FRK: variants seen among roughly 807,000 people sequenced by gnomAD.
FRK encodes the protein fyn related Src family tyrosine kinase, also known as tyrosine-protein kinase FRK.
Under a neutral mutation model 56.4 loss-of-function variants are expected in FRK, and 51 were observed. The observed-to-expected ratio is 0.90, with a 90% confidence interval of 0.72 to 1.14. The LOEUF is 1.14. FRK is among the 50% of genes most tolerant of loss of function. FRK has a pLI of 0.00. For missense variants in FRK, 570 were observed against 601.4 expected (o/e 0.95, Z 0.55); for synonymous variants, 245 against 217.9 (o/e 1.12, Z -1.10).
chr6:116,042,120 C>T (rs1462103212), intron 1 of FRK, among the ~76,000 whole-genome samples: 3 of 152,200 alleles, frequency 2.0e-5, no homozygotes, highest in African/African-American at 7.2e-5. Context: ...ACAGTGTAAA[C>T]AAAGCCACCA....
intron 1 of FRK, among the ~76,000 whole-genome samples, chr6:116,025,330 A>G (rs1344762659): frequency 6.6e-6 from 1 of 152,208 alleles, no homozygotes; most frequent in Non-Finnish European, 1.5e-5. Flanking sequence ...TATGCTCCCA[A>G]TTAGCTGAGG....
At chr6:115,971,836 C>T (rs563614024) in intron 2 of FRK, among the ~76,000 whole-genome samples, 2 of 152,320 alleles carry the variant, frequency 1.3e-5, no homozygotes, top group African/African-American at 4.8e-5. Context: ...GTGCCTTCCT[C>T]TCTGTTTCTC....
chr6:116,099,932 C>T, the FRK span, among the ~76,000 whole-genome samples: 1 of 152,310 alleles, frequency 6.6e-6, no homozygotes, highest in Admixed American at 6.5e-5. Flanking sequence ...AAGTGCTAGT[C>T]CTTCACATCC....
At chr6:116,098,873 AAG>A in the FRK span, among the ~76,000 whole-genome samples, 1 of 152,174 alleles carries the variant, frequency 6.6e-6, no homozygotes, top group Admixed American at 6.5e-5. Context: ...ATATTTCTGG[AAG>A]AGTCAGACTG....
chr6:116,026,912 AG>A (rs1776115710), intron 1 of FRK, among the ~76,000 whole-genome samples: 1 of 152,288 alleles, frequency 6.6e-6, no homozygotes, highest in South Asian at 2.1e-4. Flanking sequence ...GCATGGAATA[AG>A]GTATAAAGTA....
intron 1 of FRK, among the ~76,000 whole-genome samples, chr6:116,048,970 C>T (rs1348575124): frequency 7.4e-6 from 1 of 134,906 alleles, no homozygotes; most frequent in Non-Finnish European, 1.7e-5. Context: ...CACATCCCTG[C>T]ACTTCTTTTT....
chr6:115,956,357 A>G (rs1447503196), intron 5 of FRK, 95 bp downstream of exon 5: 3 of 838,778 alleles, frequency 3.6e-6, no homozygotes, highest in Non-Finnish European at 5.2e-6. Flanking sequence ...CATAGTAAAT[A>G]TCCTTTCGGT....
chr6:116,068,549 C>T, the FRK span, among the ~76,000 whole-genome samples: 1 of 152,124 alleles, frequency 6.6e-6, no homozygotes, highest in African/African-American at 2.4e-5. Flanking sequence ...CGTTGAAGAA[C>T]ATGAATTTTG....
At chr6:116,020,743 A>G (rs973875547) in intron 1 of FRK, among the ~76,000 whole-genome samples, 2 of 152,160 alleles carry the variant, frequency 1.3e-5, no homozygotes, top group Admixed American at 6.5e-5. Context: ...GACAAGACAC[A>G]ATTTTTCCAA....
chr6:115,954,238 T>C (rs1312354914), intron 5 of FRK, among the ~76,000 whole-genome samples: 1 of 152,190 alleles, frequency 6.6e-6, no homozygotes, highest in African/African-American at 2.4e-5. Flanking sequence ...TGACGAAGAC[T>C]GAGCAAGGAG....
rs904909595 is a variant in FRK, at chr6:115,937,849, G to C, written c.*4565C>G. 6.6e-6 allele frequency: 1 copy of C among 152,306 alleles called. No individual in the cohort carries two copies. The highest frequency in any genetic ancestry group is 3.4e-3 in the Middle Eastern group (1 of 294). 9.4% of individuals were successfully genotyped at this position (152,306 alleles called of 1,614,324 possible). ...AAGCAAGTTCTTAGAGAACTACAAA[G>C]AGACTTAGACTCCCACACAATAATA... On this transcript the variant is annotated 3_prime_UTR_variant, in exon 8 of 8. Coordinates refer to ENST00000606080, the MANE Select transcript of FRK (RefSeq NM_002031.3).
chr6:115,968,950 T>C (rs1273064483), intron 2 of FRK, among the ~76,000 whole-genome samples: 1 of 151,560 alleles, frequency 6.6e-6, no homozygotes, highest in Non-Finnish European at 1.5e-5. Flanking sequence ...CTGAAGGAAA[T>C]AGAAAAATAA....
At chr6:116,081,034 C>CT in the FRK span, among the ~76,000 whole-genome samples, 1 of 152,186 alleles carries the variant, frequency 6.6e-6, no homozygotes. Flanking sequence ...AAGTCATGTC[C>CT]TACATGGTGG....
chr6:116,044,872 C>G (rs1435971736), intron 1 of FRK, among the ~76,000 whole-genome samples: 2 of 152,204 alleles, frequency 1.3e-5, no homozygotes, highest in African/African-American at 2.4e-5. Context: ...AGCTGATAAG[C>G]AACTTCAGCA....
At chr6:115,974,206 C>A (rs1250128267) in intron 2 of FRK, among the ~76,000 whole-genome samples, 1 of 152,116 alleles carries the variant, frequency 6.6e-6, no homozygotes, top group Non-Finnish European at 1.5e-5. Context: ...AAATTAAACA[C>A]AAACTTACAA....
At chr6:116,015,000 C>A (rs1775599703) in intron 1 of FRK, among the ~76,000 whole-genome samples, 1 of 152,062 alleles carries the variant, frequency 6.6e-6, no homozygotes, top group Non-Finnish European at 1.5e-5. Flanking sequence ...CTAACCAACT[C>A]TTTCAATAAG....
At chr6:116,056,201 T>C (rs1452522205) in intron 1 of FRK, among the ~76,000 whole-genome samples, 2 of 129,332 alleles carry the variant, frequency 1.5e-5, no homozygotes, top group East Asian at 2.1e-4. Flanking sequence ...GTTCATTTGG[T>C]TTTTTTTTTT....
rs573887732 is a variant in FRK at position 115,981,934 on chromosome 6, GTTTAT to G, written c.467-13200_467-13196del. Among the ~76,000 whole-genome samples, 23 of 152,166 alleles carry G rather than the reference GTTTAT, an allele frequency of 1.5e-4. 1 individual carries two copies. In the South Asian group the frequency reaches 4.8e-3, roughly 32 times the overall value. On this transcript the variant is annotated intron_variant, in intron 2 of 7. Coordinates refer to ENST00000606080, the MANE Select transcript of FRK (RefSeq NM_002031.3). The stretch of plus-strand genomic sequence containing the variant: ...ATCATATTTAATGAGGACCCATGCT[GTTTAT>G]TTCAAACAAGGATTAGACAAAGGTT...
chr6:116,050,695 G>T (rs1234648842), intron 1 of FRK, among the ~76,000 whole-genome samples: 4 of 152,300 alleles, frequency 2.6e-5, no homozygotes, highest in South Asian at 4.1e-4. Flanking sequence ...ATTCTCTGGA[G>T]AAGAGTATTG....
Sources: allele counts gnomAD v4.1 joint callset (sites outside exome capture counted in the v4.1 genomes callset), GRCh38; gene constraint gnomAD v4.1.1; transcripts MANE v1.5; gene names NCBI Gene and HGNC (gene_info 2026-07-23, HGNC 2026-07-21).